AK9: variants seen among roughly 807,000 people sequenced by gnomAD.
AK9 encodes adenylate kinase domain containing 1.
AK9 carries 191 observed loss-of-function variants against 239.6 expected under a neutral mutation model. The ratio of observed to expected loss-of-function variants is 0.80; its 90% CI spans 0.71 to 0.90. The LOEUF (loss-of-function observed/expected upper bound fraction) is 0.90, where lower values mean the gene tolerates loss of function less well. AK9 is among the 40% of genes least tolerant of loss of function. The pLI, the probability that AK9 is intolerant of heterozygous loss-of-function variation, is 0.00. For synonymous variants in AK9, 689 were observed against 721.0 expected, an observed-to-expected ratio of 0.96 and a Z score of 0.71; for missense variants, 1,995 against 2,214.7, an observed-to-expected ratio of 0.90 and a Z score of 1.99.
intron 37 of AK9, 46 bp from the exon 38 acceptor site, chr6:109,497,609 A>G (rs756681184): frequency 1.4e-6 from 2 of 1,399,464 alleles, no homozygotes; most frequent in Non-Finnish European, 2.0e-6. Flanking sequence ...TATAATTAAT[A>G]TGCAGTCCTG....
chr6:109,679,011 C>G (rs966107685), intron 1 of AK9, among the ~76,000 whole-genome samples: 1 of 152,186 alleles, frequency 6.6e-6, no homozygotes, highest in Non-Finnish European at 1.5e-5. Flanking sequence ...CCCTGGGTTT[C>G]AAGCACAAAA....
chr6:109,646,677 C>T (rs963252411), intron 8 of AK9, among the ~76,000 whole-genome samples: 33 of 152,240 alleles, frequency 2.2e-4, no homozygotes, highest in African/African-American at 7.7e-4. Context: ...AGGATATTAT[C>T]CAGGAAAACT....
intron 24 of AK9, among the ~76,000 whole-genome samples, chr6:109,551,017 T>C (rs1298377055): frequency 6.6e-6 from 1 of 152,084 alleles, no homozygotes; most frequent in African/African-American, 2.4e-5. Context: ...CCCAGACTCA[T>C]TAAAAAAATC....
At chr6:109,570,574 TA>T (rs1454766904) in intron 21 of AK9, among the ~76,000 whole-genome samples, 5 of 151,832 alleles carry the variant, frequency 3.3e-5, no homozygotes, top group Non-Finnish European at 7.4e-5. Flanking sequence ...ACTACTGAAA[TA>T]AAAAAATTTT....
At chr6:109,497,316 C>A (rs546786443) in intron 38 of AK9, 149 bp downstream of exon 38, 4 of 640,166 alleles carry the variant, frequency 6.2e-6, no homozygotes, top group Non-Finnish European at 1.1e-5. Flanking sequence ...TGGCAGGGAC[C>A]AGTGCTTGTT....
At chr6:109,629,333 TACAAGTAATAGGCAATC>T (rs1483331878) in intron 12 of AK9, among the ~76,000 whole-genome samples, 1 of 152,170 alleles carries the variant, frequency 6.6e-6, no homozygotes, top group Non-Finnish European at 1.5e-5. Flanking sequence ...AAAGGCCTAT[TACAAGTAATAGGCAATC>T]ATGTTTGGAT....
intron 5 of AK9, among the ~76,000 whole-genome samples, chr6:109,667,766 T>C (rs959358511): frequency 1.3e-5 from 2 of 152,246 alleles, no homozygotes; most frequent in African/African-American, 2.4e-5. Flanking sequence ...TATTGCATGA[T>C]GTATATGTGC....
intron 25 of AK9, 27 bp downstream of exon 25, chr6:109,550,063 A>G (rs1442162144): frequency 6.2e-7 from 1 of 1,602,762 alleles, no homozygotes; most frequent in South Asian, 1.1e-5. Flanking sequence ...TGTGGGAGCA[A>G]TCATTAAGAT....
chr6:109,671,904 TTAAAA>T lies in AK9; in HGVS notation c.331+10_331+14del. The T allele has an allele frequency of 6.2e-7, 1 of 1,609,312 alleles. No homozygotes were observed. Among genetic ancestry groups the T allele is most frequent in the Non-Finnish European group, 8.5e-7 (1 of 1,176,728 alleles). ...GGCTGCTTTGTGGGCTGTAAATATA[TTAAAA>T]TAAACATACCAAAGTGACAGACTTC... On this transcript the variant is annotated intron_variant, in intron 5 of 40. Coordinates refer to ENST00000424296, the MANE Select transcript of AK9 (RefSeq NM_001145128.3).
At chr6:109,618,898 G>A (rs1356595689) in intron 13 of AK9, among the ~76,000 whole-genome samples, 194 bp downstream of exon 13, 1 of 151,888 alleles carries the variant, frequency 6.6e-6, no homozygotes, top group African/African-American at 2.4e-5. Flanking sequence ...ATTCCTTAGA[G>A]GTCTAGAATT....
At chr6:109,689,556 C>A (rs1774021134) in intron 1 of AK9, among the ~76,000 whole-genome samples, 1 of 152,192 alleles carries the variant, frequency 6.6e-6, no homozygotes, top group Non-Finnish European at 1.5e-5. Flanking sequence ...AGCTTCCTTG[C>A]CCCTCAAGAG....
intron 17 of AK9, among the ~76,000 whole-genome samples, chr6:109,599,143 C>G (rs937722811): frequency 1.3e-5 from 2 of 152,144 alleles, no homozygotes; most frequent in Non-Finnish European, 2.9e-5. Flanking sequence ...ACATGAAGTC[C>G]TTGCCTATTC....
intron 10 of AK9, among the ~76,000 whole-genome samples, chr6:109,634,447 G>T (rs1416172713): frequency 6.6e-6 from 1 of 152,182 alleles, no homozygotes; most frequent in African/African-American, 2.4e-5. Flanking sequence ...AAAAGAAAAT[G>T]AAGAGAGTGG....
chr6:109,633,030 G>A lies in AK9; in HGVS notation c.1147C>T (p.Leu383=). The A allele has an allele frequency of 6.3e-7, 1 of 1,594,866 alleles. No individual in the cohort carries two copies. The highest frequency in any genetic ancestry group is 8.5e-7 in the Non-Finnish European group (1 of 1,173,836). ...GGTGGTCCTGGCATAGGTGGAAGCAGATAGGGACGTGGGTTCAACAAAAAT... is the reference window on the plus strand; with the variant it reads ...GGTGGTCCTGGCATAGGTGGAAGCAAATAGGGACGTGGGTTCAACAAAAAT... ...KPFLLNPRPY[L]LPPMPGPPCK... Residue 383 remains leucine, a synonymous_variant, in exon 12 of 41, where the codon CTG becomes TTG. Coordinates refer to ENST00000424296, the MANE Select transcript of AK9 (RefSeq NM_001145128.3).
intron 8 of AK9, 60 bp downstream of exon 8, chr6:109,656,696 T>C (rs2128311561): frequency 6.7e-7 from 1 of 1,492,168 alleles, no homozygotes; most frequent in Non-Finnish European, 9.2e-7. Flanking sequence ...TGAAAGCTAC[T>C]TAACCAGTGA....
intron 35 of AK9, among the ~76,000 whole-genome samples, chr6:109,502,993 T>TGTGTGTG (rs1478310668): frequency 7.5e-6 from 1 of 133,736 alleles, no homozygotes; most frequent in African/African-American, 3.3e-5. Flanking sequence ...GTGTGTGTAT[T>TGTGTGTG]ATTTTCAGTT....
intron 1 of AK9, among the ~76,000 whole-genome samples, chr6:109,679,635 C>A (rs147656634): frequency 0.021 from 3,153 of 152,220 alleles, 83 homozygotes; most frequent in East Asian, 0.11. Flanking sequence ...GAAGTGGGTC[C>A]CTGACCCCCA....
At chr6:109,547,419 T>C (rs1783704768) in intron 25 of AK9, among the ~76,000 whole-genome samples, 1 of 152,230 alleles carries the variant, frequency 6.6e-6, no homozygotes, top group Non-Finnish European at 1.5e-5. Context: ...ACTCATTTTC[T>C]ACAAAAGCAC....
intron 1 of AK9, among the ~76,000 whole-genome samples, chr6:109,686,636 TA>T (rs1480600221): frequency 9.8e-5 from 15 of 152,326 alleles, no homozygotes; most frequent in African/African-American, 2.2e-4. Flanking sequence ...TATGTAAGGA[TA>T]CCTTCTGGAG....
Sources: gnomAD v4.1 joint callset for allele counts (sites outside exome capture counted in the v4.1 genomes callset) on GRCh38, gnomAD v4.1.1 for gene constraint, MANE v1.5 for transcripts, NCBI Gene and HGNC (gene_info 2026-07-23, HGNC 2026-07-21) for gene names.